The following DTWD1 variants were observed in gnomAD, a reference collection of about 807,000 sequenced individuals.
DTWD1 encodes DTW motif tRNA-uridine aminocarboxypropyltransferase 1.
Under a neutral mutation model 30.2 loss-of-function variants are expected in DTWD1, and 27 were observed. The ratio of observed to expected loss-of-function variants is 0.90; its 90% confidence interval spans 0.66 to 1.23. The LOEUF (loss-of-function observed/expected upper bound fraction) is 1.23. Among genes scored for constraint, DTWD1 ranks in the 50% most tolerant of loss-of-function variants. The probability of loss-of-function intolerance (pLI) is 0.00; values close to 1 mark genes in which losing one functional copy is unlikely to be tolerated. For missense variants in DTWD1, 342 were observed against 348.8 expected (o/e 0.98, Z 0.15); for synonymous variants, 99 against 113.1 (o/e 0.88, Z 0.79).
chr15:49,634,406 A>G, intron 3 of DTWD1, 130 bp from the exon 4 acceptor site: 11 of 986,920 alleles, frequency 1.1e-5, no homozygotes, highest in Non-Finnish European at 1.5e-5. Flanking sequence ...AGAACCATAT[A>G]CAATAGAACC....
Position 49,625,421 on chromosome 15 carries a change from C to T in DTWD1, c.254C>T (p.Pro85Leu), listed in dbSNP as rs142654959. ...PVENVPIEQI[P>L]LVKLPLKIDI... ...GAAAATGTACCTATTGAACAGATTC[C>T]ACTTGTGAAGGTTAGTAAGAAATTT... The change falls in exon 2 of 5, where the codon CCA (proline) becomes CTA (leucine). Residue 85 changes from proline (P) to leucine (L), a missense_variant. Transcript: ENST00000403028. The T allele has an allele frequency of 9.2e-4, 1,479 of 1,609,206 alleles. 3 individuals carry two copies. Among genetic ancestry groups the T allele is most frequent in the Admixed American group, 1.3e-3 (80 of 59,472 alleles).
At chr15:49,625,468 T>A in intron 2 of DTWD1, 37 bp downstream of exon 2, 1 of 1,563,102 alleles carries the variant, frequency 6.4e-7, no homozygotes, top group South Asian at 1.2e-5. Flanking sequence ...AGTATGAAAA[T>A]AGATTTTTTA....
chr15:49,634,748 C>T lies in DTWD1; in HGVS notation c.621C>T (p.Ser207=), dbSNP rs148217330. The T allele has an allele frequency of 2.5e-5, 40 of 1,597,926 alleles. No homozygotes were observed. The highest frequency in any genetic ancestry group is 3.3e-5 in the Non-Finnish European group (39 of 1,173,940). Residue 207 remains serine (S), a synonymous_variant, in exon 4 of 5, where the codon AGC becomes AGT. Transcript: ENST00000403028. ...TGAAAAAAATTATATTTATAGATAG[C>T]ACCTGGAACCAAACAAACAAAATAT... ...TTLKKIIFID[S]TWNQTNKIFT...
In DTWD1 at chr15:49,625,166, G is replaced by A; in HGVS notation, c.-2G>A. ...GCCGTTAAACTTTGGTTTGAATGAA[G>A]AATGTCTCTCAATCCACCTATATTT... On this transcript the variant is annotated 5_prime_UTR_variant, in exon 2 of 5. Transcript: ENST00000403028. 1 of 1,611,638 alleles carries A rather than the reference G, an allele frequency of 6.2e-7. No individual in the cohort carries two copies. The highest frequency in any genetic ancestry group is 8.5e-7 in the Non-Finnish European group (1 of 1,178,576).
intron 2 of DTWD1, among the ~76,000 whole-genome samples, chr15:49,625,881 G>C (rs1324116390): frequency 6.6e-6 from 1 of 150,622 alleles, no homozygotes. Flanking sequence ...CACAACAAGA[G>C]TGGGAGGGTT....
Position 49,634,647 on chromosome 15 carries a change from C to T in DTWD1, c.520C>T (p.Pro174Ser), listed in dbSNP as rs1296696676. Residue 174 changes from proline (P) to serine (S), a missense_variant, in exon 4 of 5, where the codon CCA (proline) becomes TCA (serine). Coordinates refer to ENST00000403028, the MANE Select transcript of DTWD1 (RefSeq NM_001144955.2). ...AGGCAAAAATGATGACCCTGACAAG[C>T]CATCTTTTAAACGCAAAAGAACTGA... ...VRGKNDDPDK[P>S]SFKRKRTEEQ... The T allele has an allele frequency of 1.9e-6, 3 of 1,613,660 alleles. No homozygotes were observed. Among genetic ancestry groups the T allele is most frequent in the East Asian group, 2.2e-5 (1 of 44,822 alleles).
intron 3 of DTWD1, among the ~76,000 whole-genome samples, chr15:49,632,512 C>T (rs2078936697): frequency 6.6e-6 from 1 of 152,170 alleles, no homozygotes; most frequent in African/African-American, 2.4e-5. Context: ...AGTCTTTCTG[C>T]ATTTTATAGC....
intron 1 of DTWD1, among the ~76,000 whole-genome samples, chr15:49,624,063 A>G (rs191517983): frequency 5.0e-4 from 74 of 149,210 alleles, no homozygotes; most frequent in Non-Finnish European, 7.6e-4. Flanking sequence ...AAAAAAAAAG[A>G]AAAAGAAAAA....
chr15:49,628,220 A>G lies in DTWD1; in HGVS notation c.264+2789A>G, dbSNP rs190108323. ...ACTGGAAGCTCTTCAGGGGTAATGT[A>G]TGGAGCTGTCATCTCCTATGATAGC... is the stretch of plus-strand genomic sequence containing the variant. On this transcript the variant is annotated intron_variant, in intron 2 of 4. Transcript: ENST00000403028. Among the ~76,000 whole-genome samples the G allele has an allele frequency of 5.3e-3, 812 of 152,320 alleles. 9 individuals carry two copies. Among genetic ancestry groups the G allele is most frequent in the Middle Eastern group, 0.01 (3 of 294 alleles).
chr15:49,634,923 C>G, intron 4 of DTWD1, 129 bp downstream of exon 4: 1 of 835,364 alleles, frequency 1.2e-6, no homozygotes, highest in Non-Finnish European at 1.7e-6. Context: ...TACTTTATTT[C>G]TCTCTTTTTA....
rs773130956 is a variant in DTWD1, at chr15:49,654,475, C to T, written c.*10897C>T. On this transcript the variant is annotated 3_prime_UTR_variant, in exon 5 of 5. Coordinates refer to ENST00000403028, the MANE Select transcript of DTWD1 (RefSeq NM_001144955.2). ...GTCTGGCAGTTTTCACTTTCACTCT[C>T]CTGAACCTTCATATTAGAATTCCAG... 7 of 151,978 alleles carry T rather than the reference C, an allele frequency of 4.6e-5. No homozygotes were observed. The highest frequency in any genetic ancestry group is 8.8e-5 in the Non-Finnish European group (6 of 68,010). The allele number at this position is 151,978 out of a possible 1,614,324, so 9.4% of individuals were successfully genotyped here. A position where few individuals can be genotyped will look rare whatever the true frequency, so the allele number is the denominator to read the frequency against.
chr15:49,630,893 C>T lies in DTWD1; in HGVS notation c.265-1266C>T, dbSNP rs140026840. 2.0e-3 allele frequency: 513 copies of T among 261,500 alleles called. 6 individuals are homozygous for T. Among genetic ancestry groups the T allele is most frequent in the African/African-American group, 0.011 (499 of 43,702 alleles). The allele number at this position is 261,500 out of a possible 1,614,324, so 16.2% of individuals were successfully genotyped here. ...CAGATCAGCGGCAGCATTAGATTCT[C>T]ATAGGAGCATGAACCCTATTGTGAA... On this transcript the variant is annotated intron_variant, in intron 2 of 4. Transcript: ENST00000403028.
chr15:49,624,264 T>G (rs879896635), intron 1 of DTWD1, among the ~76,000 whole-genome samples: 2 of 152,274 alleles, frequency 1.3e-5, no homozygotes, highest in Non-Finnish European at 2.9e-5. Flanking sequence ...TAAACCACAA[T>G]GCCAGAAGGC....
At chr15:49,623,345 A>G (rs1265397469) in intron 1 of DTWD1, among the ~76,000 whole-genome samples, 1 of 152,166 alleles carries the variant, frequency 6.6e-6, no homozygotes, top group Non-Finnish European at 1.5e-5. Flanking sequence ...GGTGAAACTT[A>G]GCTTCGTATG....
chr15:49,627,846 A>G (rs1033235325), intron 2 of DTWD1, among the ~76,000 whole-genome samples: 1 of 152,210 alleles, frequency 6.6e-6, no homozygotes, highest in Non-Finnish European at 1.5e-5. Context: ...CTGTGATGTT[A>G]CTGTACACTA....
Position 49,655,693 on chromosome 15 carries a change from C to T in DTWD1, c.*12115C>T, listed in dbSNP as rs1359015471. ...AAAGTCTTCACAAAGGATCTTACAGCCTTTGATTTTATTATCACTCTGGGA... is the reference window on the plus strand; with the variant it reads ...AAAGTCTTCACAAAGGATCTTACAGTCTTTGATTTTATTATCACTCTGGGA... On this transcript the variant is annotated 3_prime_UTR_variant, in exon 5 of 5. Coordinates refer to ENST00000403028, the MANE Select transcript of DTWD1 (RefSeq NM_001144955.2). The T allele has an allele frequency of 2.6e-5, 4 of 151,958 alleles. No homozygotes were observed. The highest frequency in any genetic ancestry group is 2.6e-4 in the Admixed American group (4 of 15,226). 9.4% of individuals were successfully genotyped at this position (151,958 alleles called of 1,614,324 possible).
In DTWD1 at chr15:49,647,851, CAAG is replaced by C. The variant is rs960554657; in HGVS notation, c.*4276_*4278del. 8.0e-5 allele frequency: 12 copies of C among 149,114 alleles called. No homozygotes were observed. Among genetic ancestry groups the C allele is most frequent in the African/African-American group, 2.9e-4 (12 of 40,816 alleles). 9.2% of individuals were successfully genotyped at this position (149,114 alleles called of 1,614,324 possible). On this transcript the variant is annotated 3_prime_UTR_variant, in exon 5 of 5. Coordinates refer to ENST00000403028, the MANE Select transcript of DTWD1 (RefSeq NM_001144955.2). Reference sequence around the variant, plus strand: ...ATAAGAGTATATTATATTCACAAAACAAGAATAGGAGAGTGTGAAAAAGAACAA... The same window carrying C: ...ATAAGAGTATATTATATTCACAAAACAATAGGAGAGTGTGAAAAAGAACAA...
chr15:49,646,459 G>C lies in DTWD1; in HGVS notation c.*2881G>C, dbSNP rs145598509. 6.6e-6 allele frequency: 1 copy of C among 152,122 alleles called. No individual in the cohort carries two copies. Among genetic ancestry groups the C allele is most frequent in the East Asian group, 1.9e-4 (1 of 5,164 alleles). The allele number at this position is 152,122 out of a possible 1,614,324, so 9.4% of individuals were successfully genotyped here. A position where few individuals can be genotyped will look rare whatever the true frequency, so the allele number is the denominator to read the frequency against. On this transcript the variant is annotated 3_prime_UTR_variant, in exon 5 of 5. Coordinates refer to ENST00000403028, the MANE Select transcript of DTWD1 (RefSeq NM_001144955.2). ...GCAGGTTTGTATGATTCCTCTGCTTGAGATCAATTAGCCATATGTTCAGAA... is the reference window on the plus strand; with the variant it reads ...GCAGGTTTGTATGATTCCTCTGCTTCAGATCAATTAGCCATATGTTCAGAA...
intron 2 of DTWD1, chr15:49,631,039 C>T (rs186994790): frequency 3.0e-5 from 13 of 438,732 alleles, no homozygotes; most frequent in Non-Finnish European, 5.5e-5. Flanking sequence ...GCTCAGGGAT[C>T]CTGCTGATTT....
Sources: gnomAD v4.1 joint callset for allele counts (sites outside exome capture counted in the v4.1 genomes callset) on GRCh38, gnomAD v4.1.1 for gene constraint, MANE v1.5 for transcripts, NCBI Gene and HGNC (gene_info 2026-07-23, HGNC 2026-07-21) for gene names.